DOCK1: variants seen among roughly 807,000 people sequenced by gnomAD.
The protein encoded by DOCK1 is dedicator of cytokinesis protein 1.
In DOCK1, 138 loss-of-function variants were observed where a neutral mutation model predicts 262.7. The ratio of observed to expected loss-of-function variants is 0.53; its 90% CI spans 0.46 to 0.61. The LOEUF (loss-of-function observed/expected upper bound fraction) is 0.61. DOCK1 is among the 20% of genes least tolerant of loss of function. The pLI is 0.00. For missense variants in DOCK1, 1,908 were observed against 2,370.7 expected, an observed-to-expected ratio of 0.80 and a Z score of 4.05; for synonymous variants, 866 against 867.4, an observed-to-expected ratio of 1.00 and a Z score of 0.03.
chr10:127,201,281 C>T (rs61874039), intron 27 of DOCK1, among the ~76,000 whole-genome samples: 2,310 of 152,288 alleles, frequency 0.015, 17 homozygotes, highest in Non-Finnish European at 0.024. Context: ...TTAAGACTCT[C>T]GCTTTGTGTA....
chr10:127,031,567 G>T (rs2043240511), intron 16 of DOCK1, 83 bp from the exon 17 acceptor site: 1 of 1,052,204 alleles, frequency 9.5e-7, no homozygotes, highest in South Asian at 1.5e-5. Context: ...TTTTCATAAA[G>T]GTAGCCTTTG....
chr10:127,001,805 G>A (rs1372149512), intron 10 of DOCK1, among the ~76,000 whole-genome samples: 1 of 152,206 alleles, frequency 6.6e-6, no homozygotes, highest in Non-Finnish European at 1.5e-5. Flanking sequence ...TGGTGAGGGT[G>A]AGGTGTTCTT....
intron 33 of DOCK1, among the ~76,000 whole-genome samples, chr10:127,370,085 G>C (rs2065126992): frequency 6.6e-6 from 1 of 152,150 alleles, no homozygotes. Flanking sequence ...TGCTCAGGGG[G>C]TAAGGTGTGG....
At chr10:127,258,851 T>G (rs566122819) in intron 29 of DOCK1, among the ~76,000 whole-genome samples, 1 of 152,370 alleles carries the variant, frequency 6.6e-6, no homozygotes, top group South Asian at 2.1e-4. Context: ...CCCTAGGATG[T>G]TAAATTGAAT....
intron 27 of DOCK1, among the ~76,000 whole-genome samples, chr10:127,183,427 C>G (rs2055927148): frequency 6.6e-6 from 1 of 152,168 alleles, no homozygotes; most frequent in South Asian, 2.1e-4. Context: ...TGGCCAAATC[C>G]TAAACTTTGC....
intron 1 of DOCK1, among the ~76,000 whole-genome samples, chr10:126,915,158 A>T (rs947373583): frequency 6.6e-6 from 1 of 152,004 alleles, no homozygotes; most frequent in African/African-American, 2.4e-5. Flanking sequence ...CTTATTTTCC[A>T]TTACCAGGAA....
intron 29 of DOCK1, among the ~76,000 whole-genome samples, chr10:127,321,715 C>CT (rs112588868): frequency 0.019 from 2,626 of 140,708 alleles, 89 homozygotes; most frequent in African/African-American, 0.071. Context: ...AGCCAAACCC[C>CT]TCCCCCCGCC....
chr10:126,985,739 A>C (rs1177249145), intron 4 of DOCK1, among the ~76,000 whole-genome samples: 1 of 152,154 alleles, frequency 6.6e-6, no homozygotes, highest in East Asian at 1.9e-4. Flanking sequence ...AATGAACCGC[A>C]TTTCCATCAG....
chr10:126,930,243 G>C (rs1274655011), intron 1 of DOCK1, among the ~76,000 whole-genome samples: 1 of 152,224 alleles, frequency 6.6e-6, no homozygotes, highest in Non-Finnish European at 1.5e-5. Context: ...TGGCTCTTGT[G>C]ACTGGTGCTG....
intron 29 of DOCK1, among the ~76,000 whole-genome samples, chr10:127,307,385 C>T (rs896211874): frequency 6.6e-6 from 1 of 152,228 alleles, no homozygotes; most frequent in African/African-American, 2.4e-5. Context: ...GCCCTCTTCT[C>T]TCTGGGGTGT....
intron 23 of DOCK1, among the ~76,000 whole-genome samples, chr10:127,094,590 C>T (rs182541090): frequency 1.2e-4 from 18 of 152,272 alleles, no homozygotes; most frequent in African/African-American, 4.1e-4. Context: ...GACGGGTGCA[C>T]GCTGGACAGG....
intron 1 of DOCK1, among the ~76,000 whole-genome samples, chr10:126,923,049 C>T (rs2033360846): frequency 6.6e-6 from 1 of 152,014 alleles, no homozygotes; most frequent in Admixed American, 6.6e-5. Context: ...GCGGAGGTTG[C>T]GTTGAGCCGA....
chr10:127,125,324 C>A, intron 25 of DOCK1, 150 bp from the exon 26 acceptor site: 1 of 978,546 alleles, frequency 1.0e-6, no homozygotes, highest in Non-Finnish European at 1.5e-6. Context: ...GGTGTTCTCA[C>A]AGTCAAGTAA....
In DOCK1 at chr10:127,451,545, G is replaced by T. The variant is rs41282908; in HGVS notation, c.*118G>T. On this transcript the variant is annotated 3_prime_UTR_variant, in exon 52 of 52. Transcript: ENST00000623213. ...GGCCTGTGATGTTAACATTTCGTGC[G>T]ACTGCTTTTTCTTCAAAGGAGTTCA... 66,741 of 1,518,716 alleles carry T rather than the reference G, an allele frequency of 0.044. 1,671 individuals are homozygous for T. Among genetic ancestry groups the T allele is most frequent in the Non-Finnish European group, 0.051 (57,440 of 1,134,228 alleles). 94.1% of individuals were successfully genotyped at this position (1,518,716 alleles called of 1,614,324 possible).
chr10:127,101,293 G>A (rs2048230786), intron 23 of DOCK1, among the ~76,000 whole-genome samples: 1 of 152,072 alleles, frequency 6.6e-6, no homozygotes, highest in African/African-American at 2.4e-5. Flanking sequence ...AGGGGAGAGT[G>A]GAGAAGGAGA....
Position 127,377,083 on chromosome 10 carries a change from G to A in DOCK1, c.3675+2869G>A, listed in dbSNP as rs554440975. Reference sequence around the variant, plus strand: ...TTATTAACTTTCTTCAAATGGGAACGTCCTGAATCATTTGATGAAAAATCA... The same window carrying A: ...TTATTAACTTTCTTCAAATGGGAACATCCTGAATCATTTGATGAAAAATCA... On this transcript the variant is annotated intron_variant, in intron 35 of 51. Transcript: ENST00000623213. Among the ~76,000 whole-genome samples the A allele has an allele frequency of 1.1e-4, 16 of 152,290 alleles. 1 individual carries two copies. In the South Asian group the frequency reaches 1.9e-3, roughly 18 times the overall value.
chr10:127,288,387 C>T (rs938026914), intron 29 of DOCK1, among the ~76,000 whole-genome samples: 2 of 152,130 alleles, frequency 1.3e-5, no homozygotes, highest in African/African-American at 4.8e-5. Context: ...ATTTAGAAAT[C>T]ATAATCTGGA....
At chr10:127,140,383 G>A (rs771197541) in intron 27 of DOCK1, among the ~76,000 whole-genome samples, 1 of 152,184 alleles carries the variant, frequency 6.6e-6, no homozygotes, top group Non-Finnish European at 1.5e-5. Flanking sequence ...TTGGTAGAGG[G>A]CACTTATGAG....
chr10:127,181,306 A>G (rs1320101719), intron 27 of DOCK1, among the ~76,000 whole-genome samples: 1 of 152,250 alleles, frequency 6.6e-6, no homozygotes, highest in Non-Finnish European at 1.5e-5. Context: ...TTAATTAGAA[A>G]TAAAACAGAC....
Sources: gnomAD v4.1 joint callset for allele counts (sites outside exome capture counted in the v4.1 genomes callset) on GRCh38, gnomAD v4.1.1 for gene constraint, MANE v1.5 for transcripts, NCBI Gene and HGNC (gene_info 2026-07-23, HGNC 2026-07-21) for gene names.